AOPEP: variants seen among roughly 807,000 people sequenced by gnomAD.
AOPEP encodes aminopeptidase O.
In AOPEP, 77 loss-of-function variants were observed where a neutral mutation model predicts 98.1. The ratio of observed to expected loss-of-function variants is 0.78; its 90% CI spans 0.65 to 0.95. The LOEUF (loss-of-function observed/expected upper bound fraction) is 0.95, where lower values mean the gene tolerates loss of function less well. AOPEP is among the 40% of genes least tolerant of loss of function. The pLI, the probability that AOPEP is intolerant of heterozygous loss-of-function variation, is 0.00. For synonymous variants in AOPEP, 346 were observed against 365.3 expected (o/e 0.95, Z 0.60); for missense variants, 1,024 against 1,024.7 (o/e 1.00, Z 0.01).
intron 13 of AOPEP, among the ~76,000 whole-genome samples, chr9:95,016,129 CT>C (rs751229648): frequency 0.065 from 9,395 of 145,564 alleles, 760 homozygotes; most frequent in African/African-American, 0.19. Context: ...TTGCATTAAG[CT>C]TTTTTTTTTT....
chr9:94,832,315 T>A (rs1856151053), intron 5 of AOPEP, among the ~76,000 whole-genome samples: 1 of 152,210 alleles, frequency 6.6e-6, no homozygotes, highest in South Asian at 2.1e-4. Flanking sequence ...TATGAAAAGA[T>A]GTTCAACTTT....
chr9:94,961,206 T>C (rs888601087), intron 9 of AOPEP, among the ~76,000 whole-genome samples: 11 of 152,176 alleles, frequency 7.2e-5, no homozygotes, highest in East Asian at 1.9e-4. Context: ...GCCTCTTAGA[T>C]GACAGAAGAA....
At chr9:95,105,375 GTGT>G in the AOPEP span, among the ~76,000 whole-genome samples, 2 of 152,134 alleles carry the variant, frequency 1.3e-5, no homozygotes, top group East Asian at 1.9e-4. Context: ...GGCTGCACAG[GTGT>G]TGTTGGTTTG....
chr9:94,806,383 C>T (rs77611932), intron 5 of AOPEP, among the ~76,000 whole-genome samples: 5,786 of 152,230 alleles, frequency 0.038, 351 homozygotes, highest in African/African-American at 0.13. Context: ...TAACTCTTCT[C>T]TGCTTTTTCA....
intron 13 of AOPEP, among the ~76,000 whole-genome samples, chr9:95,025,117 A>G (rs748983666): frequency 2.6e-5 from 4 of 152,172 alleles, no homozygotes; most frequent in Non-Finnish European, 4.4e-5. Context: ...ACCATTCTCA[A>G]TAGCTTTTCT....
At chr9:95,035,548 C>T (rs1163103371) in intron 13 of AOPEP, among the ~76,000 whole-genome samples, 10 of 93,916 alleles carry the variant, frequency 1.1e-4, no homozygotes, top group African/African-American at 3.7e-4. Flanking sequence ...GACGGAGTTT[C>T]GCTCTTGTTG....
intron 10 of AOPEP, among the ~76,000 whole-genome samples, chr9:94,968,339 C>G (rs2059334110): frequency 6.6e-6 from 1 of 152,102 alleles, no homozygotes; most frequent in South Asian, 2.1e-4. Flanking sequence ...AACTCCACCT[C>G]CCAGGTTCAG....
At chr9:94,839,093 T>C (rs1379614469) in intron 5 of AOPEP, among the ~76,000 whole-genome samples, 1 of 149,322 alleles carries the variant, frequency 6.7e-6, no homozygotes, top group African/African-American at 2.5e-5. Context: ...GTATTCTTTT[T>C]TTTTTTTTTT....
intron 5 of AOPEP, among the ~76,000 whole-genome samples, chr9:94,857,811 T>C (rs1011941094): frequency 7.2e-5 from 11 of 152,202 alleles, no homozygotes; most frequent in Admixed American, 6.5e-4. Flanking sequence ...AGGTTACTTA[T>C]TGTATGGCAA....
intron 4 of AOPEP, among the ~76,000 whole-genome samples, chr9:94,795,907 A>G (rs1846823413): frequency 6.6e-6 from 1 of 152,206 alleles, no homozygotes; most frequent in Admixed American, 6.5e-5. Flanking sequence ...AGGTTTTATT[A>G]TTGACAGAAG....
chr9:94,933,177 T>C (rs2055656699), intron 7 of AOPEP: 1 of 985,630 alleles, frequency 1.0e-6, no homozygotes, highest in African/African-American at 1.7e-5. Flanking sequence ...CAAGGTCCCC[T>C]CCTGACTCGT....
intron 5 of AOPEP, among the ~76,000 whole-genome samples, chr9:94,851,849 G>A (rs2043589922): frequency 6.6e-6 from 1 of 150,664 alleles, no homozygotes; most frequent in Non-Finnish European, 1.5e-5. Flanking sequence ...CCCATCCCTG[G>A]AGGTGGTGGT....
chr9:94,941,831 A>G (rs1349535193), intron 7 of AOPEP, among the ~76,000 whole-genome samples: 1 of 152,096 alleles, frequency 6.6e-6, no homozygotes, highest in African/African-American at 2.4e-5. Flanking sequence ...CTTTTTCTTT[A>G]TATAGAAAAA....
At chr9:95,086,061 C>T (rs181496497) in intron 16 of AOPEP, 1 of 1,367,752 alleles carries the variant, frequency 7.3e-7, no homozygotes, top group East Asian at 4.6e-5. Flanking sequence ...TCATTTTACA[C>T]ACTGGCTCAG....
intron 1 of AOPEP, among the ~76,000 whole-genome samples, chr9:94,757,289 G>A (rs574909056): frequency 6.6e-6 from 1 of 152,354 alleles, no homozygotes; most frequent in South Asian, 2.1e-4. Flanking sequence ...CTTGGAATTG[G>A]AAAGTTAAAA....
chr9:94,793,981 C>G (rs764372143), intron 4 of AOPEP, among the ~76,000 whole-genome samples: 1 of 152,308 alleles, frequency 6.6e-6, no homozygotes, highest in Non-Finnish European at 1.5e-5. Flanking sequence ...ACTGTAGGGA[C>G]AGCATCTCCC....
intron 14 of AOPEP, among the ~76,000 whole-genome samples, chr9:95,062,568 T>G (rs965266775): frequency 2.0e-5 from 3 of 152,204 alleles, no homozygotes; most frequent in Non-Finnish European, 4.4e-5. Flanking sequence ...CCTCTTTTCA[T>G]GTGGATGGGC....
chr9:94,903,892 TA>T (rs10658054), intron 5 of AOPEP, among the ~76,000 whole-genome samples: 138 of 96,590 alleles, frequency 1.4e-3, no homozygotes, highest in Non-Finnish European at 1.8e-3. Flanking sequence ...AGACTCTGTC[TA>T]AAAAAAAAAA....
chr9:94,814,367 T>C (rs1851263394), intron 5 of AOPEP, among the ~76,000 whole-genome samples: 1 of 152,236 alleles, frequency 6.6e-6, no homozygotes, highest in African/African-American at 2.4e-5. Context: ...GCTTAGGATG[T>C]ACCCCAGGTA....
Sources: gnomAD v4.1 joint callset for allele counts (sites outside exome capture counted in the v4.1 genomes callset) on GRCh38, gnomAD v4.1.1 for gene constraint, MANE v1.5 for transcripts, NCBI Gene and HGNC (gene_info 2026-07-23, HGNC 2026-07-21) for gene names.